CCDC57: variants seen among roughly 807,000 people sequenced by gnomAD.
CCDC57 encodes the protein coiled-coil domain containing 57.
In CCDC57, 118 loss-of-function variants were observed where a neutral mutation model predicts 118.9. That is an observed-to-expected ratio of 0.99 (90% CI 0.86 to 1.16). The LOEUF is 1.16. Ranked by LOEUF, CCDC57 falls within the 50% of genes most tolerant of loss-of-function variation. The pLI, the probability that CCDC57 is intolerant of heterozygous loss-of-function variation, is 0.00. For synonymous variants in CCDC57, 527 were observed against 532.9 expected (o/e 0.99, Z 0.15); for missense variants, 1,300 against 1,320.7 (o/e 0.98, Z 0.24).
intron 19 of CCDC57, among the ~76,000 whole-genome samples, chr17:82,120,956 C>T (rs1160988768): frequency 3.3e-5 from 5 of 152,140 alleles, no homozygotes; most frequent in East Asian, 3.9e-4. Context: ...AGGGTTTCAC[C>T]GTGTTAGCCA....
rs775166509 is a variant in CCDC57, at chr17:82,208,024, AAC to A, written c.-188_-187del. 1.6e-4 allele frequency: 24 copies of A among 152,288 alleles called. No homozygotes were observed. In the East Asian group the frequency reaches 2.5e-3, roughly 16 times the overall value. 9.4% of individuals were successfully genotyped at this position (152,288 alleles called of 1,614,324 possible). ...TCTTGTGGTATCAGAGTAGAGGAAA[AAC>A]AGTTTGAGTTTTCCAGAAATACCTG... On this transcript the variant is annotated 5_prime_UTR_variant, in exon 2 of 20. Transcript: ENST00000665763.
intron 8 of CCDC57, among the ~76,000 whole-genome samples, chr17:82,187,253 A>G (rs2047047110): frequency 6.6e-6 from 1 of 150,848 alleles, no homozygotes; most frequent in African/African-American, 2.4e-5. Flanking sequence ...AAAAAAAAAA[A>G]AAGTCAAGAT....
chr17:82,191,338 TC>T (rs2047649025), intron 7 of CCDC57, among the ~76,000 whole-genome samples: 1 of 152,008 alleles, frequency 6.6e-6, no homozygotes, highest in African/African-American at 2.4e-5. Flanking sequence ...GCAGAAGGGC[TC>T]CCATCACTCA....
intron 13 of CCDC57, among the ~76,000 whole-genome samples, chr17:82,164,637 T>C (rs1353762600): frequency 6.6e-6 from 1 of 152,106 alleles, no homozygotes; most frequent in Non-Finnish European, 1.5e-5. Flanking sequence ...TAAAAACTCA[T>C]AGGATACTAT....
At chr17:82,152,656 A>C (rs941860644) in intron 15 of CCDC57, among the ~76,000 whole-genome samples, 2 of 152,136 alleles carry the variant, frequency 1.3e-5, no homozygotes, top group Non-Finnish European at 2.9e-5. Context: ...CCGACGACCT[A>C]CTTCTCCCGT....
rs373069384 is a variant in CCDC57, at chr17:82,148,243, T to C, written c.2455+3317A>G. On this transcript the variant is annotated intron_variant, in intron 16 of 19. Coordinates refer to ENST00000665763, the Ensembl canonical transcript of CCDC57. ...ATGGATGGGTGGGTGGGTAGATGGG[T>C]AGATGGATGGATGGATGGATGGTAG... Among the ~76,000 whole-genome samples the C allele has an allele frequency of 6.3e-5, 9 of 142,566 alleles. No homozygotes were observed. The South Asian group carries it at 1.8e-3, about 29-fold the overall frequency. 93.5% of individuals were successfully genotyped at this position (142,566 alleles called of 152,430 possible).
At position 82,171,824 on chromosome 17, in the gene CCDC57, G is replaced by A. The variant is rs1398931295; in HGVS notation, c.1759C>T (p.Arg587Ter). 4.3e-6 allele frequency: 7 copies of A among 1,613,474 alleles called. No homozygotes were observed. The highest frequency in any genetic ancestry group is 2.2e-5 in the East Asian group (1 of 44,892). Residue 587 changes from arginine (R) to a stop codon, truncating the protein, a stop_gained, in exon 13 of 20, where the codon CGA becomes TGA. Transcript: ENST00000665763. LOFTEE classifies it high-confidence loss of function. ...GTTTTAAACTTATGCTTTAGAGTTCGTATTTCTGCTTCAAGGGCCAGAACA... is the reference window on the plus strand; with the variant it reads ...GTTTTAAACTTATGCTTTAGAGTTCATATTTCTGCTTCAAGGGCCAGAACA...
At chr17:82,203,863 C>T (rs2049279365) in intron 2 of CCDC57, among the ~76,000 whole-genome samples, 1 of 152,178 alleles carries the variant, frequency 6.6e-6, no homozygotes, top group Non-Finnish European at 1.5e-5. Context: ...CCCAGCCTGT[C>T]TTAGGGTACC....
chr17:82,122,229 T>A (rs1461174093), intron 19 of CCDC57, among the ~76,000 whole-genome samples: 1 of 152,142 alleles, frequency 6.6e-6, no homozygotes, highest in East Asian at 1.9e-4. Context: ...TAAGAGGAAA[T>A]GAAAGGAATC....
intron 13 of CCDC57, 40 bp downstream of exon 12, chr17:82,171,661 A>G (rs1175790437): frequency 2.5e-6 from 4 of 1,592,490 alleles, no homozygotes; most frequent in South Asian, 2.2e-5. Context: ...ATTTCAGTTT[A>G]TAAGGGGACA....
chr17:82,105,425 G>A (rs968740734), intron 19 of CCDC57, among the ~76,000 whole-genome samples: 5 of 152,266 alleles, frequency 3.3e-5, no homozygotes, highest in Middle Eastern at 3.4e-3. Context: ...TGTCAGCACG[G>A]CACCCAGGCC....
Position 82,172,511 on chromosome 17 carries a change from G to T in CCDC57, c.1729+127C>A. ...TTCATACTTTGAGTTTATTACAGGG[G>T]ATGTTAACTTATAGGACTCTGAAAT... On this transcript the variant is annotated intron_variant, in intron 12 of 19. Coordinates refer to ENST00000665763, the Ensembl canonical transcript of CCDC57. The surrounding 1 kb of genome is among the most constrained non-coding windows in gnomAD (Gnocchi z 5.2). The T allele has an allele frequency of 1.4e-6, 1 of 740,088 alleles. No individual in the cohort carries two copies. The highest frequency in any genetic ancestry group is 2.3e-6 in the Non-Finnish European group (1 of 437,270). The allele number at this position is 740,088 out of a possible 1,614,324, so 45.8% of individuals were successfully genotyped here. A position where few individuals can be genotyped will look rare whatever the true frequency, so the allele number is the denominator to read the frequency against.
At chr17:82,181,661 T>C (rs752641159) in intron 9 of CCDC57, among the ~76,000 whole-genome samples, 2 of 152,176 alleles carry the variant, frequency 1.3e-5, no homozygotes, top group Non-Finnish European at 2.9e-5. Context: ...AGCAGATAAA[T>C]ACATTTAAGC....
intron 14 of CCDC57, among the ~76,000 whole-genome samples, chr17:82,161,466 GCAGCATTATGCACAATCCAAA>G (rs2043324145): frequency 6.6e-6 from 1 of 152,168 alleles, no homozygotes; most frequent in South Asian, 2.1e-4. Context: ...AACATTCACA[GCAGCATTATGCACAATCCAAA>G]CAGCGGAAAC....
At chr17:82,117,298 G>C (rs1198579410) in intron 19 of CCDC57, among the ~76,000 whole-genome samples, 1 of 152,216 alleles carries the variant, frequency 6.6e-6, no homozygotes, top group Non-Finnish European at 1.5e-5. Flanking sequence ...TTTGCAGTGA[G>C]CTGAGATTGC....
chr17:82,146,272 C>G (rs998193584), intron 16 of CCDC57, among the ~76,000 whole-genome samples: 1 of 152,290 alleles, frequency 6.6e-6, no homozygotes, highest in Admixed American at 6.5e-5. Flanking sequence ...ATGATTGCAG[C>G]CACATCATTT....
rs1488133658 is a variant in CCDC57 at position 82,176,472 on chromosome 17, G to A, written c.1506+2002C>T. 7.9e-5 allele frequency among the ~76,000 whole-genome samples: 12 copies of A among 152,148 alleles called. No homozygotes were observed. In the East Asian group the frequency reaches 2.1e-3, roughly 27 times the overall value. ...CCGTCACAGCTACGCTTGATGCACC[G>A]CTACCTTTCTACCCCTACGTCCTCA... On this transcript the variant is annotated intron_variant, in intron 11 of 19. Transcript: ENST00000665763.
At position 82,143,577 on chromosome 17, in the gene CCDC57, G is replaced by A. The variant is rs142360039; in HGVS notation, c.2455+7983C>T. Among the ~76,000 whole-genome samples the A allele has an allele frequency of 1.7e-3, 252 of 152,198 alleles. 3 individuals carry two copies. In the East Asian group the frequency reaches 0.042, roughly 26 times the overall value. On this transcript the variant is annotated intron_variant, in intron 16 of 19. Coordinates refer to ENST00000665763, the Ensembl canonical transcript of CCDC57. Reference sequence around the variant, plus strand: ...TCAGGGAGCACGTCTGACATGCCCCGTAAGATCTCCAGAAGAGATTAGACA... The same window carrying A: ...TCAGGGAGCACGTCTGACATGCCCCATAAGATCTCCAGAAGAGATTAGACA...
At chr17:82,112,223 C>T (rs2035315762) in intron 19 of CCDC57, 1 of 152,316 alleles carries the variant, frequency 6.6e-6, no homozygotes, top group African/African-American at 2.4e-5. Flanking sequence ...ATCTGCCCAC[C>T]TCGGCTTCCC....
Sources: gnomAD v4.1 joint callset for allele counts (sites outside exome capture counted in the v4.1 genomes callset) on GRCh38, gnomAD v4.1.1 for gene constraint, Gnocchi (gnomAD v3.1) non-coding constraint, MANE v1.5 for transcripts, NCBI Gene and HGNC (gene_info 2026-07-23, HGNC 2026-07-21) for gene names.